The following GFOD1 variants were observed in gnomAD, a reference collection of about 807,000 sequenced individuals.
GFOD1 encodes the protein glucose-fructose oxidoreductase domain-containing protein 1.
Under a neutral mutation model 25.4 loss-of-function variants are expected in GFOD1, and 9 were observed. The observed-to-expected ratio is 0.35, with a 90% CI of 0.21 to 0.62. The LOEUF (loss-of-function observed/expected upper bound fraction) is 0.62, where lower values mean the gene tolerates loss of function less well. GFOD1 is among the 20% of genes least tolerant of loss of function. The probability of loss-of-function intolerance (pLI) is 0.72; values close to 1 mark genes in which losing one functional copy is unlikely to be tolerated. For synonymous variants in GFOD1, 253 were observed against 245.6 expected (o/e 1.03, Z -0.28); for missense variants, 403 against 556.9 (o/e 0.72, Z 2.78).
At chr6:13,420,731 T>C (rs1786241248) in intron 1 of GFOD1, among the ~76,000 whole-genome samples, 1 of 152,232 alleles carries the variant, frequency 6.6e-6, no homozygotes, top group South Asian at 2.1e-4. Context: ...AGCAGGCCAA[T>C]GGCTCTACTT....
At chr6:13,431,351 G>A (rs1418292871) in intron 1 of GFOD1, among the ~76,000 whole-genome samples, 4 of 152,174 alleles carry the variant, frequency 2.6e-5, no homozygotes. Context: ...TTTAGTCTGA[G>A]TCAAGATTCC....
intron 1 of GFOD1, among the ~76,000 whole-genome samples, chr6:13,451,314 C>T (rs1028664014): frequency 2.0e-5 from 3 of 152,202 alleles, no homozygotes; most frequent in Non-Finnish European, 4.4e-5. Context: ...CGGCCCTCAT[C>T]CATGACCCAC....
intron 1 of GFOD1, among the ~76,000 whole-genome samples, chr6:13,397,209 G>A (rs1017718779): frequency 6.6e-6 from 1 of 152,160 alleles, no homozygotes; most frequent in Non-Finnish European, 1.5e-5. Flanking sequence ...AAAGTGCTGG[G>A]ATTACAGGTG....
chr6:13,478,278 TAC>T (rs1231457906), intron 1 of GFOD1, among the ~76,000 whole-genome samples: 2 of 152,026 alleles, frequency 1.3e-5, no homozygotes, highest in African/African-American at 4.8e-5. Context: ...TAGCTGGGAT[TAC>T]AGGTGCACAA....
intron 1 of GFOD1, among the ~76,000 whole-genome samples, chr6:13,390,584 A>AGATGTGGTGGTGCAT: frequency 6.6e-6 from 1 of 151,734 alleles, no homozygotes; most frequent in South Asian, 2.1e-4. Context: ...AAAATTAGCC[A>AGATGTGGTGGTGCAT]GATGTGGTGG....
chr6:13,386,318 C>A (rs1785475346), intron 1 of GFOD1, among the ~76,000 whole-genome samples: 4 of 152,170 alleles, frequency 2.6e-5, no homozygotes, highest in African/African-American at 9.7e-5. Flanking sequence ...CCAAATCCCC[C>A]TTTTCATTTA....
At chr6:13,470,026 T>C (rs1169398498) in intron 1 of GFOD1, 5 of 1,363,606 alleles carry the variant, frequency 3.7e-6, no homozygotes, top group Non-Finnish European at 4.9e-6. Flanking sequence ...TAACTCCCCA[T>C]GACTGAGAAT....
intron 1 of GFOD1, among the ~76,000 whole-genome samples, chr6:13,444,709 A>T (rs1206530069): frequency 6.6e-6 from 1 of 152,184 alleles, no homozygotes; most frequent in Admixed American, 6.5e-5. Context: ...AAGTATGTAC[A>T]TTGTTCTTTA....
chr6:13,437,787 A>T (rs1757856354), intron 1 of GFOD1, among the ~76,000 whole-genome samples: 1 of 152,218 alleles, frequency 6.6e-6, no homozygotes, highest in Non-Finnish European at 1.5e-5. Context: ...GCACACTGCC[A>T]TATACCAGAC....
chr6:13,450,151 A>G (rs1247710402), intron 1 of GFOD1, among the ~76,000 whole-genome samples: 1 of 152,166 alleles, frequency 6.6e-6, no homozygotes, highest in East Asian at 1.9e-4. Flanking sequence ...TTTTACCCCT[A>G]GACCACAAAT....
At chr6:13,479,188 C>T (rs1262776448) in intron 1 of GFOD1, among the ~76,000 whole-genome samples, 1 of 152,078 alleles carries the variant, frequency 6.6e-6, no homozygotes, top group African/African-American at 2.4e-5. Flanking sequence ...GAACTACTCA[C>T]TTAAAAATTT....
intron 1 of GFOD1, among the ~76,000 whole-genome samples, chr6:13,387,222 A>C (rs977866357): frequency 6.6e-6 from 1 of 152,352 alleles, no homozygotes; most frequent in South Asian, 2.1e-4. Flanking sequence ...CCAAGCAGCA[A>C]CATAGAGCAA....
intron 1 of GFOD1, among the ~76,000 whole-genome samples, chr6:13,394,385 G>C (rs976444709): frequency 1.3e-5 from 2 of 151,430 alleles, no homozygotes; most frequent in Non-Finnish European, 2.9e-5. Flanking sequence ...AACTTTGGTC[G>C]TCTCTGGGCA....
intron 1 of GFOD1, among the ~76,000 whole-genome samples, chr6:13,379,721 C>T (rs1020866198): frequency 2.6e-5 from 4 of 152,204 alleles, no homozygotes; most frequent in African/African-American, 9.7e-5. Flanking sequence ...CAGGTAGTTT[C>T]TGTTGTTGGC....
intron 1 of GFOD1, among the ~76,000 whole-genome samples, chr6:13,422,637 G>A (rs1419686053): frequency 6.6e-6 from 1 of 152,140 alleles, no homozygotes; most frequent in East Asian, 1.9e-4. Context: ...GTGGATGACA[G>A]GGAAAAAAGG....
At chr6:13,416,216 C>T (rs1046843461) in intron 1 of GFOD1, among the ~76,000 whole-genome samples, 17 of 152,184 alleles carry the variant, frequency 1.1e-4, no homozygotes, top group Non-Finnish European at 2.1e-4. Flanking sequence ...TTCCTGAGGC[C>T]TCATTGGCCA....
At chr6:13,486,394 A>T in intron 1 of GFOD1, 2 of 590,744 alleles carry the variant, frequency 3.4e-6, no homozygotes, top group Non-Finnish European at 6.0e-6. Context: ...CCAGCCTGCA[A>T]TCTACACACG....
intron 1 of GFOD1, among the ~76,000 whole-genome samples, chr6:13,414,774 C>T (rs1562211669): frequency 6.6e-6 from 1 of 152,174 alleles, no homozygotes; most frequent in Non-Finnish European, 1.5e-5. Context: ...TCAGAATATC[C>T]ACTCTGAGTC....
chr6:13,406,703 C>A (rs1785953945), intron 1 of GFOD1, among the ~76,000 whole-genome samples: 2 of 152,164 alleles, frequency 1.3e-5, no homozygotes, highest in Non-Finnish European at 2.9e-5. Flanking sequence ...AAAGGTCCAG[C>A]TGAAACTGGG....
Sources: allele counts gnomAD v4.1 joint callset (sites outside exome capture counted in the v4.1 genomes callset), GRCh38; gene constraint gnomAD v4.1.1; transcripts MANE v1.5; gene names NCBI Gene and HGNC (gene_info 2026-07-23, HGNC 2026-07-21).